The following ZC3HAV1 variants were observed in gnomAD, a reference collection of about 807,000 sequenced individuals.
The protein encoded by ZC3HAV1 is zinc finger CCCH-type containing, antiviral 1.
In ZC3HAV1, 41 loss-of-function variants were observed where a neutral mutation model predicts 86.6. That is an observed-to-expected ratio of 0.47 (90% CI 0.37 to 0.61). The LOEUF (loss-of-function observed/expected upper bound fraction) is 0.61, where lower values mean the gene tolerates loss of function less well. Among genes scored for constraint, ZC3HAV1 ranks in the 20% least tolerant of loss-of-function variants. The pLI, the probability that ZC3HAV1 is intolerant of heterozygous loss-of-function variation, is 0.00. For synonymous variants in ZC3HAV1, 421 were observed against 432.1 expected (o/e 0.97, Z 0.32); for missense variants, 964 against 1,141.1 (o/e 0.84, Z 2.24).
intron 1 of ZC3HAV1, among the ~76,000 whole-genome samples, chr7:139,099,511 T>A (rs1320616249): frequency 1.3e-5 from 2 of 152,108 alleles, no homozygotes; most frequent in Non-Finnish European, 2.9e-5. Context: ...AAAAGTAGGT[T>A]AGAGATCGCC....
intron 8 of ZC3HAV1, among the ~76,000 whole-genome samples, chr7:139,064,508 G>C (rs542634068): frequency 3.9e-5 from 6 of 152,228 alleles, no homozygotes; most frequent in Non-Finnish European, 7.4e-5. Flanking sequence ...AAAGCCCAAG[G>C]CCTCTACCGT....
chr7:139,054,160 A>G (rs754740403), intron 10 of ZC3HAV1, 65 bp from the exon 11 acceptor site: 124 of 1,451,964 alleles, frequency 8.5e-5, no homozygotes, highest in Non-Finnish European at 1.1e-4. Flanking sequence ...ACATCCACAT[A>G]TGTGCCCCCT....
At chr7:139,075,294 A>G (rs1054140383) in intron 6 of ZC3HAV1, among the ~76,000 whole-genome samples, 6 of 152,154 alleles carry the variant, frequency 3.9e-5, no homozygotes, top group Admixed American at 1.3e-4. Flanking sequence ...CTAAATTCTC[A>G]TATGATGAAA....
rs761124486 is a variant in ZC3HAV1, at chr7:139,108,612, G to A, written c.308+412C>T. On this transcript the variant is annotated intron_variant, in intron 1 of 12. Transcript: ENST00000242351. The surrounding 1 kb of genome is among the most constrained non-coding windows in gnomAD (Gnocchi z 4.2). ...TGGCTCCGCCACGTCTAGGGAAGGA[G>A]GTAGTAGGGAGGGAAAGACTCAAGA... is the stretch of plus-strand genomic sequence containing the variant. 1.3e-5 allele frequency among the ~76,000 whole-genome samples: 2 copies of A among 152,216 alleles called. No homozygotes were observed. Among genetic ancestry groups the A allele is most frequent in the Non-Finnish European group, 2.9e-5 (2 of 68,034 alleles).
At chr7:139,047,899 G>T in intron 12 of ZC3HAV1, 46 bp from the exon 13 acceptor site, 1 of 1,572,604 alleles carries the variant, frequency 6.4e-7, no homozygotes. Context: ...ATAAAAGAAG[G>T]TATACAGTTT....
chr7:139,078,319 T>C (rs1305246658), intron 5 of ZC3HAV1, among the ~76,000 whole-genome samples: 8 of 152,102 alleles, frequency 5.3e-5, no homozygotes, highest in Non-Finnish European at 1.2e-4. Context: ...TTTGAACGCT[T>C]GTGCATTGCT....
At chr7:139,054,311 G>A (rs1192421646) in intron 10 of ZC3HAV1, among the ~76,000 whole-genome samples, 1 of 152,140 alleles carries the variant, frequency 6.6e-6, no homozygotes. Flanking sequence ...CTGAAAGCTA[G>A]CAAAGCACTG....
chr7:139,077,005 C>G (rs369593362), intron 5 of ZC3HAV1, among the ~76,000 whole-genome samples: 2 of 135,922 alleles, frequency 1.5e-5, no homozygotes, highest in African/African-American at 3.0e-5. Flanking sequence ...TCTGCACCCC[C>G]CCAAGTGTAT....
At chr7:139,065,223 T>C (rs1420682422) in intron 7 of ZC3HAV1, among the ~76,000 whole-genome samples, 1 of 152,164 alleles carries the variant, frequency 6.6e-6, no homozygotes, top group Non-Finnish European at 1.5e-5. Context: ...CACTACACAC[T>C]TGGGGGAGGC....
intron 1 of ZC3HAV1, among the ~76,000 whole-genome samples, chr7:139,089,989 G>A (rs1453253877): frequency 1.3e-5 from 2 of 151,694 alleles, no homozygotes; most frequent in African/African-American, 2.4e-5. Flanking sequence ...GTGCAACCTC[G>A]GCTCACTGCA....
intron 3 of ZC3HAV1, among the ~76,000 whole-genome samples, chr7:139,080,573 G>A (rs1204239864): frequency 6.6e-6 from 1 of 152,206 alleles, no homozygotes; most frequent in African/African-American, 2.4e-5. Context: ...GAGACTACAG[G>A]TGCTCACCAA....
chr7:139,074,091 C>A, intron 6 of ZC3HAV1, 61 bp from the exon 7 acceptor site: 1 of 1,507,734 alleles, frequency 6.6e-7, no homozygotes, highest in South Asian at 1.2e-5. Context: ...TCTACAATCT[C>A]GTCTTCCCTA....
intron 7 of ZC3HAV1, among the ~76,000 whole-genome samples, chr7:139,073,215 C>T (rs993522796): frequency 2.0e-5 from 3 of 151,984 alleles, no homozygotes; most frequent in African/African-American, 7.3e-5. Flanking sequence ...AGGAAGATCG[C>T]TTGAACCCAG....
rs534102529 is a variant in ZC3HAV1, at chr7:139,045,881, A to G, written c.*1713T>C. Reference sequence around the variant, plus strand: ...ATTTGTAGTAACTCTCCCAGAAAATAACTCTACTCTAAAAAAACTATTTTT... The same window carrying G: ...ATTTGTAGTAACTCTCCCAGAAAATGACTCTACTCTAAAAAAACTATTTTT... On this transcript the variant is annotated 3_prime_UTR_variant, in exon 13 of 13. Coordinates refer to ENST00000242351, the MANE Select transcript of ZC3HAV1 (RefSeq NM_020119.4). 1.3e-5 allele frequency: 2 copies of G among 150,728 alleles called. No individual in the cohort carries two copies. Among genetic ancestry groups the G allele is most frequent in the South Asian group, 4.2e-4 (2 of 4,766 alleles). The allele number at this position is 150,728 out of a possible 1,614,324, so 9.3% of individuals were successfully genotyped here.
intron 9 of ZC3HAV1, among the ~76,000 whole-genome samples, chr7:139,056,547 T>G (rs942959719): frequency 6.6e-6 from 1 of 151,884 alleles, no homozygotes. Flanking sequence ...CACAAGTGTG[T>G]ACCACCACAC....
At chr7:139,095,195 T>C (rs1817549145) in intron 1 of ZC3HAV1, among the ~76,000 whole-genome samples, 1 of 151,970 alleles carries the variant, frequency 6.6e-6, no homozygotes, top group African/African-American at 2.4e-5. Flanking sequence ...AGCTAAAGAA[T>C]AAAATGTCAT....
At chr7:139,054,812 G>A (rs938673877) in intron 10 of ZC3HAV1, among the ~76,000 whole-genome samples, 4 of 152,070 alleles carry the variant, frequency 2.6e-5, no homozygotes, top group East Asian at 3.9e-4. Flanking sequence ...TCACTCTGTC[G>A]CCCAGGCTGC....
In ZC3HAV1 at chr7:139,109,371, C is replaced by T. The variant is rs182933801; in HGVS notation, c.-40G>A. 3.3e-3 allele frequency: 5,035 copies of T among 1,504,542 alleles called. 15 individuals are homozygous for T. The highest frequency in any genetic ancestry group is 6.4e-3 in the Middle Eastern group (26 of 4,072). The allele number at this position is 1,504,542 out of a possible 1,614,324, so 93.2% of individuals were successfully genotyped here. A position where few individuals can be genotyped will look rare whatever the true frequency, so the allele number is the denominator to read the frequency against. ...GCTGGCTCTGCCGCGGCGCGGGACTCGGTTCCGCGGAAATCGGAAATCGAA... is the reference window on the plus strand; with the variant it reads ...GCTGGCTCTGCCGCGGCGCGGGACTTGGTTCCGCGGAAATCGGAAATCGAA... On this transcript the variant is annotated 5_prime_UTR_variant, in exon 1 of 13. Coordinates refer to ENST00000242351, the MANE Select transcript of ZC3HAV1 (RefSeq NM_020119.4).
At chr7:139,053,833 A>C in intron 11 of ZC3HAV1, 132 bp downstream of exon 11, 2 of 1,269,508 alleles carry the variant, frequency 1.6e-6, no homozygotes, top group South Asian at 1.6e-5. Flanking sequence ...GAATGAAAAA[A>C]AAAAAAAAAG....
Sources: allele counts gnomAD v4.1 joint callset (sites outside exome capture counted in the v4.1 genomes callset), GRCh38; gene constraint gnomAD v4.1.1; non-coding constraint Gnocchi (gnomAD v3.1); transcripts MANE v1.5; gene names NCBI Gene and HGNC (gene_info 2026-07-23, HGNC 2026-07-21).